Variants in AFF2 observed in about 807,000 individuals in gnomAD.
AFF2 encodes the protein AF4/FMR2 family member 2.
In AFF2, 14 loss-of-function variants were observed where a neutral mutation model predicts 76.9. The ratio of observed to expected loss-of-function variants is 0.18; its 90% confidence interval spans 0.12 to 0.28. The LOEUF is 0.28. Among genes scored for constraint, AFF2 ranks in the 10% least tolerant of loss-of-function variants. The pLI is 1.00. For missense variants in AFF2, 868 were observed against 1,001.1 expected (o/e 0.87, Z 1.79); for synonymous variants, 398 against 366.7 (o/e 1.09, Z -0.98).
chrX:148,645,586 A>G (rs1159310292), intron 1 of AFF2, among the ~76,000 whole-genome samples: 2 of 112,210 alleles, frequency 1.8e-5, no homozygotes, highest in Non-Finnish European at 3.8e-5. Flanking sequence ...AGTGTATTAA[A>G]TTATCTTTGC....
intron 1 of AFF2, among the ~76,000 whole-genome samples, chrX:148,573,515 T>C (rs2053252709): frequency 9.0e-6 from 1 of 111,525 alleles, no homozygotes; most frequent in African/African-American, 3.3e-5. Flanking sequence ...ACTTTTTTTT[T>C]TGTCCTCAAG....
At chrX:148,954,419 G>GT (rs369583178) in intron 10 of AFF2, among the ~76,000 whole-genome samples, 138 of 111,415 alleles carry the variant, frequency 1.2e-3, no homozygotes, top group African/African-American at 4.1e-3. Flanking sequence ...TCATACACTT[G>GT]TTTTTCAATA....
At chrX:148,847,534 G>A (rs1174107022) in intron 7 of AFF2, among the ~76,000 whole-genome samples, 2 of 111,418 alleles carry the variant, frequency 1.8e-5, no homozygotes, top group Non-Finnish European at 3.8e-5. Context: ...CCATAATGTT[G>A]GTTTTTTTTA....
intron 1 of AFF2, among the ~76,000 whole-genome samples, chrX:148,628,712 G>T (rs1157219253): frequency 8.9e-6 from 1 of 112,173 alleles, no homozygotes; most frequent in African/African-American, 3.2e-5. Flanking sequence ...GATAGTTAAT[G>T]ATATGCTAAT....
At chrX:148,614,728 T>C (rs1557249994) in intron 1 of AFF2, among the ~76,000 whole-genome samples, 1 of 77,380 alleles carries the variant, frequency 1.3e-5, no homozygotes, top group African/African-American at 4.9e-5. Context: ...TTTCTTTCTT[T>C]CTTTCCTTCT....
intron 3 of AFF2, among the ~76,000 whole-genome samples, chrX:148,740,708 G>C (rs2055340113): frequency 9.0e-6 from 1 of 111,588 alleles, no homozygotes; most frequent in African/African-American, 3.3e-5. Flanking sequence ...GATATTTGGG[G>C]GTGTTGAAGA....
intron 1 of AFF2, among the ~76,000 whole-genome samples, chrX:148,537,971 C>T (rs1441176651): frequency 4.5e-5 from 5 of 112,066 alleles, no homozygotes; most frequent in African/African-American, 1.6e-4. Flanking sequence ...ACAGGACGTG[C>T]GGGGGTGTAG....
chrX:148,890,898 A>T (rs889354556), intron 8 of AFF2, among the ~76,000 whole-genome samples: 1 of 112,310 alleles, frequency 8.9e-6, no homozygotes, highest in African/African-American at 3.2e-5. Flanking sequence ...AACATCCAGA[A>T]CAGTGTTGGA....
At chrX:148,831,695 G>T (rs782750078) in intron 4 of AFF2, among the ~76,000 whole-genome samples, 21 of 112,207 alleles carry the variant, frequency 1.9e-4, no homozygotes, top group African/African-American at 6.5e-4. Flanking sequence ...GGAAGGATTT[G>T]TTTGCTGTTC....
At chrX:148,761,467 G>T (rs868928296) in intron 3 of AFF2, among the ~76,000 whole-genome samples, 6,510 of 63,160 alleles carry the variant, frequency 0.1, 221 homozygotes, top group African/African-American at 0.2. Context: ...AGTTTTTTTT[G>T]TTTTTTTTTT....
intron 4 of AFF2, among the ~76,000 whole-genome samples, chrX:148,833,199 CT>C (rs1468366144): frequency 8.9e-6 from 1 of 111,823 alleles, no homozygotes; most frequent in Non-Finnish European, 1.9e-5. Context: ...AGCACAGTGA[CT>C]TTCCCCACCA....
At chrX:148,647,945 A>G (rs1285865296) in intron 1 of AFF2, among the ~76,000 whole-genome samples, 3 of 111,606 alleles carry the variant, frequency 2.7e-5, no homozygotes, top group Non-Finnish European at 3.8e-5. Flanking sequence ...AACTTTCTAG[A>G]TCTCACGGAA....
At chrX:148,521,374 G>GCGCACACACACA (rs1428070939) in intron 1 of AFF2, among the ~76,000 whole-genome samples, 5 of 90,921 alleles carry the variant, frequency 5.5e-5, no homozygotes, top group African/African-American at 2.1e-4. Context: ...GCACGTGCAT[G>GCGCACACACACA]CACACACACA....
chrX:148,775,117 G>A (rs1179329320), intron 3 of AFF2, among the ~76,000 whole-genome samples: 1 of 111,557 alleles, frequency 9.0e-6, no homozygotes, highest in African/African-American at 3.3e-5. Context: ...TGATAATCAG[G>A]GGATATATTT....
rs111897493 is a variant in AFF2 at position 148,693,278 on chromosome X, G to A, written c.1041+30510G>A. 1.1e-3 allele frequency among the ~76,000 whole-genome samples: 121 copies of A among 111,749 alleles called. 1 individual carries two copies. Among genetic ancestry groups the A allele is most frequent in the Non-Finnish European group, 1.0e-3 (54 of 53,117 alleles). The stretch of plus-strand genomic sequence containing the variant: ...AATTGGATGTGGGCTGCCCCAGGAA[G>A]TAGGCACAACTTTGAGTCAGGAGCT... On this transcript the variant is annotated intron_variant, in intron 3 of 20. Transcript: ENST00000370460.
chrX:148,783,331 G>A (rs782050109), intron 3 of AFF2, among the ~76,000 whole-genome samples: 4 of 111,015 alleles, frequency 3.6e-5, no homozygotes, highest in Non-Finnish European at 7.5e-5. Context: ...AAGACATAAA[G>A]ATCAAGGATG....
chrX:148,741,977 A>G (rs976056841), intron 3 of AFF2, among the ~76,000 whole-genome samples: 3 of 111,910 alleles, frequency 2.7e-5, no homozygotes, highest in African/African-American at 9.8e-5. Context: ...TCCACAGTTG[A>G]GGCACTCACA....
chrX:148,528,249 T>A (rs1458324033), intron 1 of AFF2, among the ~76,000 whole-genome samples: 1 of 112,163 alleles, frequency 8.9e-6, no homozygotes, highest in Non-Finnish European at 1.9e-5. Flanking sequence ...GATTTGCCCT[T>A]ACAGCTGTAC....
intron 5 of AFF2, among the ~76,000 whole-genome samples, chrX:148,841,075 G>T (rs1229067571): frequency 8.9e-6 from 1 of 111,914 alleles, no homozygotes; most frequent in Non-Finnish European, 1.9e-5. Flanking sequence ...GATTGTTTAG[G>T]TGTAAAGTCC....
Sources: allele counts gnomAD v4.1 joint callset (sites outside exome capture counted in the v4.1 genomes callset), GRCh38; gene constraint gnomAD v4.1.1; transcripts MANE v1.5; gene names NCBI Gene and HGNC (gene_info 2026-07-23, HGNC 2026-07-21).